The following PTPN12 variants were observed in gnomAD, a reference collection of about 807,000 sequenced individuals.
PTPN12 encodes tyrosine-protein phosphatase non-receptor type 12.
In PTPN12, 29 loss-of-function variants were observed where a neutral mutation model predicts 97.6. That is an observed-to-expected ratio of 0.30 (90% CI 0.22 to 0.41). The LOEUF is 0.41. PTPN12 is among the 10% of genes least tolerant of loss of function. PTPN12 has a pLI of 1.00. For synonymous variants in PTPN12, 327 were observed against 300.4 expected, an observed-to-expected ratio of 1.09 and a Z score of -0.91; for missense variants, 819 against 926.0, an observed-to-expected ratio of 0.88 and a Z score of 1.50.
chr7:77,637,162 C>A, intron 16 of PTPN12, 114 bp downstream of exon 16: 1 of 813,752 alleles, frequency 1.2e-6, no homozygotes, highest in Non-Finnish European at 1.9e-6. Context: ...GTGAAAATGT[C>A]TAGGACAACT....
chr7:77,615,964 C>G (rs530776828), intron 11 of PTPN12, among the ~76,000 whole-genome samples: 1 of 152,254 alleles, frequency 6.6e-6, no homozygotes, highest in South Asian at 2.1e-4. Flanking sequence ...CACATTGATT[C>G]CTTTCATCAG....
At chr7:77,614,211 CTA>C (rs1788674791) in intron 11 of PTPN12, among the ~76,000 whole-genome samples, 1 of 152,168 alleles carries the variant, frequency 6.6e-6, no homozygotes, top group Non-Finnish European at 1.5e-5. Flanking sequence ...AAACTTTTAA[CTA>C]TATTTAAATA....
At chr7:77,623,422 G>T (rs1584207666) in intron 12 of PTPN12, among the ~76,000 whole-genome samples, 1 of 152,278 alleles carries the variant, frequency 6.6e-6, no homozygotes, top group East Asian at 1.9e-4. Flanking sequence ...TAAAATACTG[G>T]TCATGAGGCC....
rs117920459 is a variant in PTPN12, at chr7:77,566,817, G to T, written c.100-4261G>T. Among the ~76,000 whole-genome samples, 1,264 of 152,006 alleles carry T rather than the reference G, an allele frequency of 8.3e-3. 10 individuals carry two copies. The highest frequency in any genetic ancestry group is 0.013 in the Non-Finnish European group (882 of 67,984). On this transcript the variant is annotated intron_variant, in intron 1 of 17. Coordinates refer to ENST00000248594, the MANE Select transcript of PTPN12 (RefSeq NM_002835.4). The stretch of plus-strand genomic sequence containing the variant: ...TTTTTTAAAAAGTCACACGATAAAG[G>T]GTGTGGTGGGTACCTATAACTTAAT...
chr7:77,549,998 A>C (rs544922337), intron 1 of PTPN12, among the ~76,000 whole-genome samples: 2 of 152,318 alleles, frequency 1.3e-5, no homozygotes, highest in East Asian at 3.9e-4. Context: ...CATTGTTAAA[A>C]TTATCCTAAC....
intron 6 of PTPN12, among the ~76,000 whole-genome samples, chr7:77,597,223 AAGC>A (rs1274575465): frequency 6.6e-6 from 1 of 152,194 alleles, no homozygotes; most frequent in African/African-American, 2.4e-5. Context: ...TCCTGGGTTC[AAGC>A]AATTCTACTG....
chr7:77,565,164 T>A (rs1317464026), intron 1 of PTPN12, among the ~76,000 whole-genome samples: 2 of 152,218 alleles, frequency 1.3e-5, no homozygotes, highest in Non-Finnish European at 2.9e-5. Context: ...TTAATTTCTA[T>A]ATATCCCATC....
At chr7:77,595,145 C>A (rs1040039805) in intron 6 of PTPN12, among the ~76,000 whole-genome samples, 9 of 152,108 alleles carry the variant, frequency 5.9e-5, no homozygotes, top group Non-Finnish European at 8.8e-5. Flanking sequence ...TTAGTAACGA[C>A]TTGGTTTAAT....
intron 1 of PTPN12, among the ~76,000 whole-genome samples, chr7:77,567,318 G>A (rs1808305837): frequency 6.6e-6 from 1 of 151,964 alleles, no homozygotes; most frequent in Non-Finnish European, 1.5e-5. Context: ...TTTATCATAA[G>A]AGTAAGAAAT....
At position 77,537,701 on chromosome 7, in the gene PTPN12, C is replaced by T. The variant is rs1166703660; in HGVS notation, c.99+56C>T. On this transcript the variant is annotated intron_variant, in intron 1 of 17. Coordinates refer to ENST00000248594, the MANE Select transcript of PTPN12 (RefSeq NM_002835.4). ...TTGCCGGCGCCGGAGCCCATCGCCG[C>T]CTCTCCCGGCCGGGCCGCCAGTGCT... is the stretch of plus-strand genomic sequence containing the variant. 12 of 1,517,858 alleles carry T rather than the reference C, an allele frequency of 7.9e-6. 1 individual carries two copies. The highest frequency in any genetic ancestry group is 1.4e-5 in the African/African-American group (1 of 70,238). 94.0% of individuals were successfully genotyped at this position (1,517,858 alleles called of 1,614,324 possible).
At chr7:77,547,339 G>C (rs974924370) in intron 1 of PTPN12, among the ~76,000 whole-genome samples, 2 of 152,148 alleles carry the variant, frequency 1.3e-5, no homozygotes, top group African/African-American at 4.8e-5. Context: ...TTTCCTGGGG[G>C]CAGTGGGTGG....
In PTPN12 at chr7:77,543,205, T is replaced by A. The variant is rs182653098; in HGVS notation, c.99+5560T>A. On this transcript the variant is annotated intron_variant, in intron 1 of 17. Coordinates refer to ENST00000248594, the MANE Select transcript of PTPN12 (RefSeq NM_002835.4). ...TGCTTTGGTGACTAGAAAAAACAGTTTGGGTTGGGGTATGGGAAGAAGCTA... is the reference window on the plus strand; with the variant it reads ...TGCTTTGGTGACTAGAAAAAACAGTATGGGTTGGGGTATGGGAAGAAGCTA... 9.2e-5 allele frequency among the ~76,000 whole-genome samples: 14 copies of A among 152,074 alleles called. 1 individual carries two copies. Among genetic ancestry groups the A allele is most frequent in the Admixed American group, 9.2e-4 (14 of 15,286 alleles).
intron 2 of PTPN12, among the ~76,000 whole-genome samples, chr7:77,573,532 T>C (rs930684367): frequency 2.6e-5 from 4 of 152,198 alleles, no homozygotes; most frequent in Non-Finnish European, 4.4e-5. Context: ...CATTGGAATT[T>C]ATGTTTTAAC....
rs189190032 is a variant in PTPN12 at position 77,610,849 on chromosome 7, T to C, written c.840+7T>C. The C allele has an allele frequency of 6.3e-7, 1 of 1,599,538 alleles. No homozygotes were observed. The highest frequency in any genetic ancestry group is 2.2e-5 in the East Asian group (1 of 44,668). On this transcript the variant is annotated splice_region_variant and intron_variant, in intron 10 of 17. Coordinates refer to ENST00000248594, the MANE Select transcript of PTPN12 (RefSeq NM_002835.4). ...TTCTGCAGTACAAACAAAGGTATAG[T>C]TGTTTGTTTCCCTTTATAAACTGCT...
intron 1 of PTPN12, among the ~76,000 whole-genome samples, chr7:77,556,502 G>A (rs1328603973): frequency 6.6e-6 from 1 of 152,124 alleles, no homozygotes; most frequent in African/African-American, 2.4e-5. Flanking sequence ...TAAAACCCCA[G>A]CAGGTTAGGC....
chr7:77,630,618 C>T (rs757993580), intron 13 of PTPN12, among the ~76,000 whole-genome samples: 7 of 152,110 alleles, frequency 4.6e-5, no homozygotes, highest in Admixed American at 6.6e-5. Flanking sequence ...GTTGTTTATG[C>T]GGTCTTGTTG....
chr7:77,639,290 C>T lies in PTPN12; in HGVS notation c.*10C>T, dbSNP rs1457512206. 6.2e-7 allele frequency: 1 copy of T among 1,605,734 alleles called. No homozygotes were observed. Among genetic ancestry groups the T allele is most frequent in the South Asian group, 1.1e-5 (1 of 90,472 alleles). On this transcript the variant is annotated 3_prime_UTR_variant, in exon 18 of 18. Transcript: ENST00000248594. ...TTCAGAATGGACATGATTCAGGGAG[C>T]TAGAAGACACTTTAAGTTATACTGG...
At chr7:77,597,772 TTTTA>T in intron 6 of PTPN12, 66 bp from the exon 7 acceptor site, 2 of 1,519,090 alleles carry the variant, frequency 1.3e-6, no homozygotes, top group Non-Finnish European at 1.8e-6. Context: ...GATACAAGTA[TTTTA>T]TTTGTTTTGA....
intron 1 of PTPN12, among the ~76,000 whole-genome samples, chr7:77,538,506 C>T (rs529535829): frequency 6.6e-6 from 1 of 152,134 alleles, no homozygotes; most frequent in South Asian, 2.1e-4. Flanking sequence ...GGGCCGAAGC[C>T]CTGAACTGGG....
Sources: gnomAD v4.1 joint callset for allele counts (sites outside exome capture counted in the v4.1 genomes callset) on GRCh38, gnomAD v4.1.1 for gene constraint, MANE v1.5 for transcripts, NCBI Gene and HGNC (gene_info 2026-07-23, HGNC 2026-07-21) for gene names.